EIF4EBP1: variants seen among roughly 807,000 people sequenced by gnomAD.
The protein encoded by EIF4EBP1 is eukaryotic translation initiation factor 4E-binding protein 1.
EIF4EBP1 carries 5 observed loss-of-function variants against 9.2 expected under a neutral mutation model. The ratio of observed to expected loss-of-function variants is 0.54; its 90% confidence interval spans 0.28 to 1.14. The LOEUF (loss-of-function observed/expected upper bound fraction) is 1.14, where lower values mean the gene tolerates loss of function less well. Among genes scored for constraint, EIF4EBP1 ranks in the 50% most tolerant of loss-of-function variants. The pLI is 0.09. For synonymous variants in EIF4EBP1, 62 were observed against 67.0 expected, an observed-to-expected ratio of 0.93 and a Z score of 0.36; for missense variants, 139 against 169.6, an observed-to-expected ratio of 0.82 and a Z score of 1.00.
At chr8:38,033,324 T>C (rs1247430872) in intron 1 of EIF4EBP1, among the ~76,000 whole-genome samples, 1 of 152,018 alleles carries the variant, frequency 6.6e-6, no homozygotes, top group Non-Finnish European at 1.5e-5. Flanking sequence ...TGCCTCGGCC[T>C]TCCAGAATGC....
intron 1 of EIF4EBP1, among the ~76,000 whole-genome samples, chr8:38,054,923 G>A (rs1809576155): frequency 6.6e-6 from 1 of 152,116 alleles, no homozygotes; most frequent in South Asian, 2.1e-4. Context: ...GGTGCATAGG[G>A]TCACACAGCT....
chr8:38,059,224 A>G (rs1324730418), intron 2 of EIF4EBP1, among the ~76,000 whole-genome samples: 1 of 152,156 alleles, frequency 6.6e-6, no homozygotes, highest in Non-Finnish European at 1.5e-5. Context: ...GTGGGGACAG[A>G]TCCCTCACAG....
intron 1 of EIF4EBP1, among the ~76,000 whole-genome samples, chr8:38,051,856 C>T (rs539015158): frequency 6.6e-6 from 1 of 152,310 alleles, no homozygotes; most frequent in Admixed American, 6.5e-5. Flanking sequence ...CTCGGCCTCC[C>T]AAAGTGCTGG....
intron 1 of EIF4EBP1, among the ~76,000 whole-genome samples, chr8:38,033,480 CAAA>C (rs763420653): frequency 7.5e-6 from 1 of 133,220 alleles, no homozygotes; most frequent in East Asian, 2.1e-4. Context: ...TGGAGTCTAG[CAAA>C]AAAAAAAAAA....
intron 1 of EIF4EBP1, 86 bp downstream of exon 1, chr8:38,030,804 T>C (rs1706309838): frequency 1.5e-6 from 2 of 1,361,216 alleles, no homozygotes; most frequent in Non-Finnish European, 1.9e-6. Flanking sequence ...GTGTCCAGGC[T>C]CAAGGGCGCC....
At chr8:38,046,489 T>C (rs1001540516) in intron 1 of EIF4EBP1, among the ~76,000 whole-genome samples, 5 of 152,218 alleles carry the variant, frequency 3.3e-5, no homozygotes, top group Non-Finnish European at 5.9e-5. Context: ...GTGTCTCTCC[T>C]GAGTTGCTTA....
At chr8:38,044,954 G>A (rs1276933058) in intron 1 of EIF4EBP1, among the ~76,000 whole-genome samples, 1 of 152,080 alleles carries the variant, frequency 6.6e-6, no homozygotes, top group Non-Finnish European at 1.5e-5. Flanking sequence ...TATGCACCTC[G>A]CCCGAAAATC....
At position 38,048,876 on chromosome 8, in the gene EIF4EBP1, C is replaced by T. The variant is rs1247881223; in HGVS notation, c.146-8205C>T. On this transcript the variant is annotated intron_variant, in intron 1 of 2. Transcript: ENST00000338825. Reference sequence around the variant, plus strand: ...GGGTACGGTGGCTCATGCCTGTAATCCCTGCACTTTGGGAGGCCGAGACGG... The same window carrying T: ...GGGTACGGTGGCTCATGCCTGTAATTCCTGCACTTTGGGAGGCCGAGACGG... 3.9e-5 allele frequency among the ~76,000 whole-genome samples: 6 copies of T among 152,026 alleles called. No individual in the cohort carries two copies. In the East Asian group the frequency reaches 5.8e-4, roughly 15 times the overall value.
chr8:38,056,218 C>A (rs1477397350), intron 1 of EIF4EBP1, among the ~76,000 whole-genome samples: 1 of 152,048 alleles, frequency 6.6e-6, no homozygotes, highest in African/African-American at 2.4e-5. Context: ...TCTCAAGCTC[C>A]TGGGCTCAAG....
chr8:38,045,932 G>A (rs1225471052), intron 1 of EIF4EBP1, among the ~76,000 whole-genome samples: 4 of 151,504 alleles, frequency 2.6e-5, no homozygotes, highest in East Asian at 1.9e-4. Flanking sequence ...TTGAGACAGA[G>A]TCTTGCTCTG....
At chr8:38,047,475 T>C (rs938326320) in intron 1 of EIF4EBP1, 1 of 109,628 alleles carries the variant, frequency 9.1e-6, no homozygotes, top group Non-Finnish European at 1.9e-5. Context: ...TAGTGTAGGG[T>C]TTTGGGTTTT....
At chr8:38,032,507 A>C (rs925817818) in intron 1 of EIF4EBP1, among the ~76,000 whole-genome samples, 2 of 152,244 alleles carry the variant, frequency 1.3e-5, no homozygotes, top group Non-Finnish European at 2.9e-5. Context: ...CTCTAAAATA[A>C]ATAATAAATA....
intron 1 of EIF4EBP1, among the ~76,000 whole-genome samples, chr8:38,032,642 A>T (rs1809240908): frequency 6.6e-6 from 1 of 152,118 alleles, no homozygotes; most frequent in South Asian, 2.1e-4. Context: ...GGGAGTGGGG[A>T]AGGGACTTCT....
At chr8:38,052,433 T>A (rs958714403) in intron 1 of EIF4EBP1, among the ~76,000 whole-genome samples, 3 of 150,862 alleles carry the variant, frequency 2.0e-5, no homozygotes, top group Non-Finnish European at 4.4e-5. Flanking sequence ...GTTAATTTTT[T>A]AAAAATTTTA....
At chr8:38,032,445 G>A (rs1809237926) in intron 1 of EIF4EBP1, among the ~76,000 whole-genome samples, 1 of 152,188 alleles carries the variant, frequency 6.6e-6, no homozygotes, top group Non-Finnish European at 1.5e-5. Flanking sequence ...AGGCTGTAGT[G>A]AGCTATGATT....
intron 1 of EIF4EBP1, among the ~76,000 whole-genome samples, chr8:38,049,397 G>A (rs1809488263): frequency 6.6e-6 from 1 of 150,536 alleles, no homozygotes; most frequent in South Asian, 2.1e-4. Flanking sequence ...TTAACTGAGT[G>A]TTTTGAATTC....
Position 38,055,625 on chromosome 8 carries a change from G to A in EIF4EBP1, c.146-1456G>A, listed in dbSNP as rs535279101. Among the ~76,000 whole-genome samples, 55 of 150,834 alleles carry A rather than the reference G, an allele frequency of 3.6e-4. No homozygotes were observed. The South Asian group carries it at 0.012, about 32-fold the overall frequency. On this transcript the variant is annotated intron_variant, in intron 1 of 2. Transcript: ENST00000338825. ...ATCTATAATATATTATTATATTATTGTATATTAAAAGGAATTGCTATCACT... is the reference window on the plus strand; with the variant it reads ...ATCTATAATATATTATTATATTATTATATATTAAAAGGAATTGCTATCACT...
chr8:38,055,385 G>A (rs971198660), intron 1 of EIF4EBP1, among the ~76,000 whole-genome samples: 8 of 152,106 alleles, frequency 5.3e-5, no homozygotes, highest in Admixed American at 5.2e-4. Context: ...CTGTTGGAAT[G>A]CTACTCATCA....
At chr8:38,043,009 G>A (rs960947496) in intron 1 of EIF4EBP1, among the ~76,000 whole-genome samples, 2 of 152,202 alleles carry the variant, frequency 1.3e-5, no homozygotes, top group Non-Finnish European at 2.9e-5. Context: ...GGAGGCTGCA[G>A]TGAGTTAAGA....
Sources: gnomAD v4.1 joint callset for allele counts (sites outside exome capture counted in the v4.1 genomes callset) on GRCh38, gnomAD v4.1.1 for gene constraint, MANE v1.5 for transcripts, NCBI Gene and HGNC (gene_info 2026-07-23, HGNC 2026-07-21) for gene names.